Variants in RPS6KA2 observed in about 807,000 individuals in gnomAD.
The protein encoded by RPS6KA2 is ribosomal protein S6 kinase A2.
A neutral mutation model predicts 91.8 loss-of-function variants in RPS6KA2; 42 were observed. That is an observed-to-expected ratio of 0.46 (90% CI 0.36 to 0.59). RPS6KA2 has a LOEUF of 0.59. Among genes scored for constraint, RPS6KA2 ranks in the 20% least tolerant of loss-of-function variants. The probability of loss-of-function intolerance (pLI) is 0.00; values close to 1 mark genes in which losing one functional copy is unlikely to be tolerated. For synonymous variants in RPS6KA2, 414 were observed against 393.6 expected (o/e 1.05, Z -0.61); for missense variants, 798 against 978.5 (o/e 0.82, Z 2.46).
intron 20 of RPS6KA2, among the ~76,000 whole-genome samples, chr6:166,413,414 C>A (rs1045591530): frequency 3.9e-5 from 6 of 151,988 alleles, no homozygotes; most frequent in Admixed American, 6.5e-5. Flanking sequence ...TGGGGTGGGA[C>A]AGTCTACACT....
At chr6:166,647,246 C>T (rs11965853) in intron 2 of RPS6KA2, among the ~76,000 whole-genome samples, 6 of 152,254 alleles carry the variant, frequency 3.9e-5, no homozygotes, top group Non-Finnish European at 8.8e-5. Context: ...GATTTCTCCC[C>T]TTTCACGGCC....
At chr6:166,550,321 T>A (rs760690593) in intron 1 of RPS6KA2, among the ~76,000 whole-genome samples, 3 of 152,074 alleles carry the variant, frequency 2.0e-5, no homozygotes, top group Non-Finnish European at 2.9e-5. Context: ...CAGGCAAAAT[T>A]AACTGTGAGT....
rs1778653126 is a variant in RPS6KA2 at position 166,419,596 on chromosome 6, G to A, written c.1820+286C>T. ...GCTACCTTTTAAAACAGTGGCAGGT[G>A]CAGCAGAGAGAATGGGGACTATGCT... On this transcript the variant is annotated intron_variant, in intron 18 of 20. Transcript: ENST00000265678. The surrounding 1 kb of genome is among the most constrained non-coding windows in gnomAD (Gnocchi z 5.6). 6.6e-6 allele frequency among the ~76,000 whole-genome samples: 1 copy of A among 152,242 alleles called. No individual in the cohort carries two copies.
chr6:166,627,291 C>A, upstream of RPS6KA2: 1 of 916,924 alleles, frequency 1.1e-6, no homozygotes, highest in South Asian at 4.9e-5. Context: ...CCACGCCCAC[C>A]ACCACTACCA....
chr6:166,448,690 A>G lies in RPS6KA2; in HGVS notation c.1332+34T>C, dbSNP rs745750862. On this transcript the variant is annotated intron_variant, in intron 14 of 20. Coordinates refer to ENST00000265678, the MANE Select transcript of RPS6KA2 (RefSeq NM_021135.6). This position sits in a 1 kb window ranked among gnomAD's most constrained non-coding sequence, Gnocchi z 4.7. ...ACGTGCTCCCACGCGCTGCACTCAC[A>G]CAGGGCCCTGCTCACTCAGCAGGCC... 6 of 1,590,118 alleles carry G rather than the reference A, an allele frequency of 3.8e-6. No homozygotes were observed. The highest frequency in any genetic ancestry group is 5.1e-6 in the Non-Finnish European group (6 of 1,166,610).
chr6:166,578,487 A>G (rs568251119), intron 1 of RPS6KA2, among the ~76,000 whole-genome samples: 1 of 152,338 alleles, frequency 6.6e-6, no homozygotes, highest in African/African-American at 2.4e-5. Flanking sequence ...CACTTTTGCA[A>G]AGCAGAGATG....
chr6:166,691,832 T>C (rs1467578881), intron 2 of RPS6KA2, among the ~76,000 whole-genome samples: 6 of 152,232 alleles, frequency 3.9e-5, no homozygotes, highest in Non-Finnish European at 8.8e-5. Context: ...TTTATCCATC[T>C]TCTATACCCT....
At chr6:166,416,355 T>C (rs1486932017) in intron 19 of RPS6KA2, among the ~76,000 whole-genome samples, 2 of 148,564 alleles carry the variant, frequency 1.3e-5, no homozygotes, top group South Asian at 4.4e-4. Context: ...TTCCATTATC[T>C]TCACCATCAC....
Position 166,554,505 on chromosome 6 carries a change from C to A in RPS6KA2, c.100-15721G>T, listed in dbSNP as rs539325470. Among the ~76,000 whole-genome samples the A allele has an allele frequency of 6.6e-6, 1 of 152,354 alleles. No homozygotes were observed. The highest frequency in any genetic ancestry group is 2.1e-4 in the South Asian group (1 of 4,832). ...GTTCCCTTTCTATTCCTCTTCCCAG[C>A]TCCGGATGTGCATCCTGTGTGGGGA... On this transcript the variant is annotated intron_variant, in intron 1 of 20. Transcript: ENST00000265678. This position sits in a 1 kb window ranked among gnomAD's most constrained non-coding sequence, Gnocchi z 4.3.
chr6:166,762,578 T>C (rs1450885396), intron 2 of RPS6KA2, among the ~76,000 whole-genome samples: 1 of 152,186 alleles, frequency 6.6e-6, no homozygotes, highest in Non-Finnish European at 1.5e-5. Context: ...CGCACTGGGC[T>C]GTAAGCCGGC....
chr6:166,708,566 G>A (rs4710081), intron 2 of RPS6KA2, among the ~76,000 whole-genome samples: 86,000 of 152,046 alleles, frequency 0.57, 27,459 homozygotes, highest in South Asian at 0.82. Flanking sequence ...CATTCCTCCT[G>A]CCTTGGAACC....
chr6:166,546,694 A>G (rs1783838414), intron 1 of RPS6KA2, among the ~76,000 whole-genome samples: 1 of 152,160 alleles, frequency 6.6e-6, no homozygotes, highest in South Asian at 2.1e-4. Context: ...GAAAATAGAA[A>G]TTCTACAACT....
chr6:166,686,182 A>G (rs1263995130), intron 2 of RPS6KA2, among the ~76,000 whole-genome samples: 1 of 152,074 alleles, frequency 6.6e-6, no homozygotes, highest in Non-Finnish European at 1.5e-5. Flanking sequence ...ATGCTCATGT[A>G]AGGTCGGTCC....
chr6:166,681,588 C>T (rs115885270), intron 2 of RPS6KA2, among the ~76,000 whole-genome samples: 2,496 of 152,082 alleles, frequency 0.016, 61 homozygotes, highest in African/African-American at 0.054. Flanking sequence ...GGATTCTGTG[C>T]CCCGAAGGGA....
chr6:166,684,794 C>T (rs1035800832), intron 2 of RPS6KA2, among the ~76,000 whole-genome samples: 1 of 152,220 alleles, frequency 6.6e-6, no homozygotes, highest in South Asian at 2.1e-4. Flanking sequence ...ACCCTTCCCC[C>T]TGAACAACTT....
chr6:166,538,540 C>T (rs549676710), intron 2 of RPS6KA2, 128 bp downstream of exon 2: 5 of 584,648 alleles, frequency 8.6e-6, no homozygotes, highest in Non-Finnish European at 1.6e-5. Context: ...CGGTTCTGAA[C>T]TGTCCAGGTT....
At chr6:166,514,009 G>C (rs745898264) in intron 3 of RPS6KA2, among the ~76,000 whole-genome samples, 1 of 152,194 alleles carries the variant, frequency 6.6e-6, no homozygotes, top group Non-Finnish European at 1.5e-5. Flanking sequence ...TGGATTCTGC[G>C]TGCTGGTCAG....
At chr6:166,755,366 G>A (rs1199960839) in intron 2 of RPS6KA2, among the ~76,000 whole-genome samples, 8 of 152,052 alleles carry the variant, frequency 5.3e-5, no homozygotes, top group African/African-American at 1.9e-4. Flanking sequence ...TTCTGTTCAG[G>A]GTGTTCACTC....
intron 5 of RPS6KA2, among the ~76,000 whole-genome samples, chr6:166,507,547 C>A (rs1050950645): frequency 6.6e-6 from 1 of 151,640 alleles, no homozygotes; most frequent in Non-Finnish European, 1.5e-5. Flanking sequence ...ATATAGCACA[C>A]ACACACCCAC....
Sources: gnomAD v4.1 joint callset for allele counts (sites outside exome capture counted in the v4.1 genomes callset) on GRCh38, gnomAD v4.1.1 for gene constraint, Gnocchi (gnomAD v3.1) non-coding constraint, MANE v1.5 for transcripts, NCBI Gene and HGNC (gene_info 2026-07-23, HGNC 2026-07-21) for gene names.